FOXP1: variants seen among roughly 807,000 people sequenced by gnomAD.
FOXP1 encodes forkhead box protein P1.
A neutral mutation model predicts 98.2 loss-of-function variants in FOXP1; 15 were observed. The observed-to-expected ratio is 0.15, with a 90% CI of 0.10 to 0.24. The LOEUF (loss-of-function observed/expected upper bound fraction) is 0.24. FOXP1 is among the 10% of genes least tolerant of loss of function. The probability of loss-of-function intolerance (pLI) is 1.00; values close to 1 mark genes in which losing one functional copy is unlikely to be tolerated. For missense variants in FOXP1, 633 were observed against 848.5 expected, an observed-to-expected ratio of 0.75 and a Z score of 3.15; for synonymous variants, 371 against 314.5, an observed-to-expected ratio of 1.18 and a Z score of -1.90.
At chr3:71,300,478 G>A (rs2073749967) in intron 4 of FOXP1, among the ~76,000 whole-genome samples, 1 of 152,014 alleles carries the variant, frequency 6.6e-6, no homozygotes, top group Non-Finnish European at 1.5e-5. Context: ...AATTAAAAAG[G>A]GTTCATGTCA....
intron 3 of FOXP1, among the ~76,000 whole-genome samples, chr3:71,421,610 G>C (rs2083652198): frequency 6.6e-6 from 1 of 152,120 alleles, no homozygotes; most frequent in Non-Finnish European, 1.5e-5. Context: ...GCAAACATCA[G>C]AACCCAGCCG....
intron 6 of FOXP1, among the ~76,000 whole-genome samples, chr3:71,182,791 A>G (rs1211661173): frequency 1.3e-5 from 2 of 151,844 alleles, no homozygotes; most frequent in Admixed American, 6.6e-5. Flanking sequence ...GTGATCTTCC[A>G]GCCTTAGCCT....
At chr3:71,058,514 T>C (rs938250523) in intron 7 of FOXP1, among the ~76,000 whole-genome samples, 2 of 145,240 alleles carry the variant, frequency 1.4e-5, no homozygotes, top group East Asian at 2.0e-4. Context: ...GTTAATCAAA[T>C]AGCAGGAGCA....
chr3:71,449,912 A>C (rs1362228635), intron 3 of FOXP1, among the ~76,000 whole-genome samples: 2 of 152,234 alleles, frequency 1.3e-5, no homozygotes, highest in African/African-American at 4.8e-5. Context: ...ATACGAGGTA[A>C]ATAAAAGTTT....
chr3:71,199,437 A>G (rs2063515312), intron 5 of FOXP1, among the ~76,000 whole-genome samples: 1 of 151,812 alleles, frequency 6.6e-6, no homozygotes, highest in Non-Finnish European at 1.5e-5. Context: ...TAGAAAAAAT[A>G]TATATAGGCC....
intron 4 of FOXP1, among the ~76,000 whole-genome samples, chr3:71,326,794 G>C (rs2075718242): frequency 6.6e-6 from 1 of 152,178 alleles, no homozygotes; most frequent in Admixed American, 6.5e-5. Flanking sequence ...TGTCAGAGTT[G>C]GGAGAGATGG....
intron 12 of FOXP1, among the ~76,000 whole-genome samples, chr3:71,007,304 G>C (rs984320579): frequency 2.0e-5 from 3 of 152,070 alleles, no homozygotes; most frequent in Non-Finnish European, 4.4e-5. Context: ...GCTGGAATTT[G>C]ATTTGCATAC....
At chr3:71,197,203 C>T (rs2063350994) in intron 6 of FOXP1, among the ~76,000 whole-genome samples, 1 of 152,150 alleles carries the variant, frequency 6.6e-6, no homozygotes, top group South Asian at 2.1e-4. Flanking sequence ...TTCAGAAAGG[C>T]CCAAAGATAC....
chr3:70,965,852 G>C, intron 20 of FOXP1, 38 bp downstream of exon 20: 4 of 1,602,556 alleles, frequency 2.5e-6, no homozygotes, highest in Non-Finnish European at 3.4e-6. Flanking sequence ...GGAGACTAGG[G>C]TCAGATAGCA....
intron 3 of FOXP1, among the ~76,000 whole-genome samples, chr3:71,413,221 A>AC (rs2082910591): frequency 1.3e-5 from 1 of 79,858 alleles, no homozygotes; most frequent in Admixed American, 1.5e-4. Context: ...AGACACACAC[A>AC]CACCCCCCCA....
intron 5 of FOXP1, among the ~76,000 whole-genome samples, chr3:71,250,113 AAATT>A (rs1170160466): frequency 6.6e-6 from 1 of 152,222 alleles, no homozygotes; most frequent in Non-Finnish European, 1.5e-5. Context: ...TTGAGCCAGA[AAATT>A]AATTATTCAT....
intron 5 of FOXP1, among the ~76,000 whole-genome samples, chr3:71,262,264 C>CAAAAAAAAAAAAAAAAA (rs71104433): frequency 7.8e-5 from 2 of 25,698 alleles, no homozygotes; most frequent in African/African-American, 1.3e-4. Context: ...GACTCTGTCA[C>CAAAAAAAAAAAAAAAAA]AAAAAAAAAA....
At chr3:71,400,826 C>A (rs2081912309) in intron 3 of FOXP1, among the ~76,000 whole-genome samples, 1 of 152,050 alleles carries the variant, frequency 6.6e-6, no homozygotes, top group South Asian at 2.1e-4. Context: ...GATGTAGAAC[C>A]CCCCTGCAAT....
intron 4 of FOXP1, among the ~76,000 whole-genome samples, chr3:71,323,422 G>A (rs1320607754): frequency 6.6e-6 from 1 of 152,084 alleles, no homozygotes; most frequent in Non-Finnish European, 1.5e-5. Context: ...GCTCATTTTG[G>A]TAGACGTTTC....
At chr3:71,028,028 T>G (rs961846363) in intron 11 of FOXP1, among the ~76,000 whole-genome samples, 2 of 152,134 alleles carry the variant, frequency 1.3e-5, no homozygotes, top group African/African-American at 4.8e-5. Flanking sequence ...AACGTATCAG[T>G]AGGAGCTCAG....
intron 5 of FOXP1, among the ~76,000 whole-genome samples, chr3:71,249,259 G>A (rs2068000992): frequency 6.6e-6 from 1 of 152,234 alleles, no homozygotes; most frequent in Non-Finnish European, 1.5e-5. Context: ...CCAGCAAACA[G>A]GGCCTTGACT....
intron 11 of FOXP1, among the ~76,000 whole-genome samples, chr3:71,026,917 T>C (rs535077756): frequency 6.6e-6 from 1 of 152,174 alleles, no homozygotes; most frequent in Admixed American, 6.5e-5. Context: ...ATTTGCAAGG[T>C]GATGAGTGAA....
chr3:71,036,744 G>C lies in FOXP1; in HGVS notation c.869+4584C>G, dbSNP rs536679699. ...TTCAGACCAAAATGATTTATAGCTT[G>C]TAAATCCCACCTATCCCGCTTCATG... On this transcript the variant is annotated intron_variant, in intron 11 of 20. Transcript: ENST00000649528. Among the ~76,000 whole-genome samples, 6 of 152,264 alleles carry C rather than the reference G, an allele frequency of 3.9e-5. No individual in the cohort carries two copies. In the East Asian group the frequency reaches 1.2e-3, roughly 29 times the overall value.
At chr3:70,990,372 C>T (rs1400821236) in intron 13 of FOXP1, among the ~76,000 whole-genome samples, 1 of 152,212 alleles carries the variant, frequency 6.6e-6, no homozygotes, top group African/African-American at 2.4e-5. Flanking sequence ...ATCCTGTCTA[C>T]AATGTCTGTC....
Sources: gnomAD v4.1 joint callset for allele counts (sites outside exome capture counted in the v4.1 genomes callset) on GRCh38, gnomAD v4.1.1 for gene constraint, MANE v1.5 for transcripts, NCBI Gene and HGNC (gene_info 2026-07-23, HGNC 2026-07-21) for gene names.